Variants in PRRC2B observed in about 807,000 individuals in gnomAD.
The protein encoded by PRRC2B is protein PRRC2B.
In PRRC2B, 68 loss-of-function variants were observed where a neutral mutation model predicts 242.3. The ratio of observed to expected loss-of-function variants is 0.28; its 90% CI spans 0.23 to 0.34. The LOEUF is 0.34. Ranked by LOEUF, PRRC2B falls within the 10% of genes least tolerant of loss-of-function variation. The probability of loss-of-function intolerance (pLI) is 1.00; values close to 1 mark genes in which losing one functional copy is unlikely to be tolerated. For synonymous variants in PRRC2B, 1,228 were observed against 1,173.6 expected, an observed-to-expected ratio of 1.05 and a Z score of -0.95; for missense variants, 2,835 against 2,954.8, an observed-to-expected ratio of 0.96 and a Z score of 0.94.
At position 131,447,665 on chromosome 9, in the gene PRRC2B, A is replaced by G; in HGVS notation, c.981A>G (p.Lys327=). 6.3e-7 allele frequency: 1 copy of G among 1,592,872 alleles called. No individual in the cohort carries two copies. Among genetic ancestry groups the G allele is most frequent in the Non-Finnish European group, 8.6e-7 (1 of 1,167,228 alleles). ...CCATCATCTTTTCTTTTATCAGAAAAGAAAACAGGCTGGGATTGTCTCGCC... is the reference window on the plus strand; with the variant it reads ...CCATCATCTTTTCTTTTATCAGAAAGGAAAACAGGCTGGGATTGTCTCGCC... The part of the protein sequence containing the change: ...RQFQMNDQDG[K]ENRLGLSRPL... The change falls in exon 9 of 32, where the codon AAA becomes AAG. Residue 327 remains lysine, a synonymous_variant. Transcript: ENST00000683519.
rs558036228 is a variant in PRRC2B, at chr9:131,489,184, CTTTTTTTTT to C, written c.6225+1098_6225+1106del. Among the ~76,000 whole-genome samples, 4 of 131,642 alleles carry C rather than the reference CTTTTTTTTT, an allele frequency of 3.0e-5. 1 individual carries two copies. The East Asian group carries it at 8.7e-4, about 28-fold the overall frequency. The allele number at this position is 131,642 out of a possible 152,430, so 86.4% of individuals were successfully genotyped here. A position where few individuals can be genotyped will look rare whatever the true frequency, so the allele number is the denominator to read the frequency against. On this transcript the variant is annotated intron_variant, in intron 28 of 31. Coordinates refer to ENST00000683519, the MANE Select transcript of PRRC2B (RefSeq NM_013318.4). ...CCTCTAGTGACCCAACTCCAAAATT[CTTTTTTTTT>C]TTTTTTTTTGAGATGGAGTTTCGCT...
intron 25 of PRRC2B, 76 bp downstream of exon 25, chr9:131,485,216 TG>T: frequency 8.2e-7 from 1 of 1,221,694 alleles, no homozygotes; most frequent in South Asian, 1.5e-5. Context: ...CAGCCCCGAA[TG>T]TCACCTCCTG....
At chr9:131,378,033 G>A (rs1252679571) in intron 1 of PRRC2B, among the ~76,000 whole-genome samples, 1 of 152,118 alleles carries the variant, frequency 6.6e-6, no homozygotes, top group African/African-American at 2.4e-5. Flanking sequence ...TGGGATGGCT[G>A]GGCATGGTGG....
chr9:131,384,357 G>A (rs1192004718), intron 1 of PRRC2B, among the ~76,000 whole-genome samples: 3 of 150,444 alleles, frequency 2.0e-5, no homozygotes, highest in African/African-American at 2.4e-5. Context: ...ATCTTGGCTC[G>A]CTGCAACCTC....
intron 1 of PRRC2B, among the ~76,000 whole-genome samples, chr9:131,379,770 C>T (rs1391194454): frequency 3.3e-5 from 5 of 149,944 alleles, no homozygotes; most frequent in Non-Finnish European, 7.4e-5. Context: ...GGATTACAGG[C>T]ACACGCCACC....
Position 131,494,477 on chromosome 9 carries a change from C to T in PRRC2B, c.6546C>T (p.Tyr2182=). 2.5e-6 allele frequency: 4 copies of T among 1,585,098 alleles called. No homozygotes were observed. The highest frequency in any genetic ancestry group is 2.3e-5 in the East Asian group (1 of 44,430). ...ACATGGGCTCTGTGCAGGGACACTA[C>T]GTGCAACAGGTAGAAGATGGCTTTC... is the stretch of plus-strand genomic sequence containing the variant. ...AVNMGSVQGH[Y]VQQAKQRVDE... The change falls in exon 31 of 32, where the codon TAC becomes TAT. Residue 2182 remains tyrosine (Y), a synonymous_variant. Transcript: ENST00000683519. The surrounding 1 kb of genome is among the most constrained non-coding windows in gnomAD (Gnocchi z 4.3).
intron 1 of PRRC2B, among the ~76,000 whole-genome samples, chr9:131,407,509 C>G (rs927630889): frequency 6.6e-6 from 1 of 152,110 alleles, no homozygotes; most frequent in African/African-American, 2.4e-5. Context: ...TTGGATCTGT[C>G]CTTTATTCCT....
rs1836969424 is a variant in PRRC2B, at chr9:131,394,109, G to A, written c.-206G>A. ...GCGAGACAGGCGCCGAGGCTCCACC[G>A]CGCAGCGACGAGCGAGCCCGGGAGG... On this transcript the variant is annotated 5_prime_UTR_variant, in exon 1 of 32. Transcript: ENST00000683519. 6.7e-6 allele frequency: 1 copy of A among 149,422 alleles called. No individual in the cohort carries two copies. The highest frequency in any genetic ancestry group is 1.5e-5 in the Non-Finnish European group (1 of 66,576). 9.3% of individuals were successfully genotyped at this position (149,422 alleles called of 1,614,324 possible). A position where few individuals can be genotyped will look rare whatever the true frequency, so the allele number is the denominator to read the frequency against.
Position 131,399,140 on chromosome 9 carries a change from G to A in PRRC2B, c.-52+4877G>A, listed in dbSNP as rs897280018. ...AAAATACAAAAATTAGCTGGATGCC[G>A]TGGCGAGTGCCTGTAGTCCCAGCTA... On this transcript the variant is annotated intron_variant, in intron 1 of 31. Coordinates refer to ENST00000683519, the MANE Select transcript of PRRC2B (RefSeq NM_013318.4). Among the ~76,000 whole-genome samples the A allele has an allele frequency of 6.6e-5, 10 of 151,620 alleles. No individual in the cohort carries two copies. In the South Asian group the frequency reaches 8.4e-4, roughly 13 times the overall value.
intron 5 of PRRC2B, among the ~76,000 whole-genome samples, chr9:131,442,127 T>G (rs1353054804): frequency 6.6e-6 from 1 of 150,438 alleles, no homozygotes; most frequent in African/African-American, 2.4e-5. Flanking sequence ...TACCTTTTTT[T>G]TTGTTTGTTT....
rs1407822856 is a variant in PRRC2B, at chr9:131,496,492, C to T, written c.*618C>T. The T allele has an allele frequency of 7.9e-5, 12 of 152,238 alleles. No individual in the cohort carries two copies. Among genetic ancestry groups the T allele is most frequent in the Admixed American group, 7.9e-4 (12 of 15,282 alleles). 9.4% of individuals were successfully genotyped at this position (152,238 alleles called of 1,614,324 possible). A position where few individuals can be genotyped will look rare whatever the true frequency, so the allele number is the denominator to read the frequency against. Reference sequence around the variant, plus strand: ...CTTAAGAATGCATCCCCTCCTGATTCCTCAGCTGGTTCACCCTTGAGGTTA... The same window carrying T: ...CTTAAGAATGCATCCCCTCCTGATTTCTCAGCTGGTTCACCCTTGAGGTTA... On this transcript the variant is annotated 3_prime_UTR_variant, in exon 32 of 32. Transcript: ENST00000683519.
At position 131,498,409 on chromosome 9, in the gene PRRC2B, C is replaced by G. The variant is rs752737898; in HGVS notation, c.*2535C>G. ...TGTGTGACCTGAGCTGCAGTCTCTT[C>G]GCTGAGATGCAGGTTTTAAATGAGA... is the stretch of plus-strand genomic sequence containing the variant. On this transcript the variant is annotated 3_prime_UTR_variant, in exon 32 of 32. Transcript: ENST00000683519. The G allele has an allele frequency of 6.6e-6, 1 of 152,232 alleles. No homozygotes were observed. The highest frequency in any genetic ancestry group is 1.5e-5 in the Non-Finnish European group (1 of 68,042). 9.4% of individuals were successfully genotyped at this position (152,232 alleles called of 1,614,324 possible).
intron 15 of PRRC2B, among the ~76,000 whole-genome samples, 168 bp from the exon 16 acceptor site, chr9:131,474,286 T>TG (rs1299215377): frequency 2.6e-5 from 4 of 152,230 alleles, no homozygotes; most frequent in Non-Finnish European, 5.9e-5. Context: ...TTGATGCTTA[T>TG]GTTTTTTTTT....
intron 1 of PRRC2B, among the ~76,000 whole-genome samples, chr9:131,395,121 C>T (rs1026877189): frequency 1.3e-5 from 2 of 151,750 alleles, no homozygotes; most frequent in Admixed American, 6.6e-5. Flanking sequence ...GGTCGGAGCC[C>T]ACCTTTAGGC....
intron 13 of PRRC2B, 111 bp from the exon 14 acceptor site, chr9:131,470,677 C>A: frequency 2.4e-6 from 2 of 817,546 alleles, no homozygotes; most frequent in Admixed American, 2.4e-5. Context: ...GTCTTCTGTT[C>A]TAGGTGGGCT....
At position 131,475,581 on chromosome 9, in the gene PRRC2B, G is replaced by A. The variant is rs1282788368; in HGVS notation, c.3452G>A (p.Arg1151Lys). The A allele has an allele frequency of 2.5e-6, 4 of 1,612,850 alleles. No individual in the cohort carries two copies. Among genetic ancestry groups the A allele is most frequent in the East Asian group, 2.2e-5 (1 of 44,870 alleles). ...YEELPKRRRQ[R>K]GSENGNEGSL... is the part of the protein sequence containing the mutation. ...GAACTTCCCAAGCGCCGCCGGCAGA[G>A]GGGCTCCGAGAACGGGAATGAAGGC... is the stretch of plus-strand genomic sequence containing the variant. The change falls in exon 16 of 32, where the codon AGG becomes AAG. Residue 1151 changes from arginine (R) to lysine (K), a missense_variant. Around this residue, in one of 7 missense-constraint regions of PRRC2B, gnomAD observed 1,536 missense variants for 1,483.1 expected, o/e 1.04. Coordinates refer to ENST00000683519, the MANE Select transcript of PRRC2B (RefSeq NM_013318.4).
chr9:131,394,993 T>C (rs2210599), intron 1 of PRRC2B, among the ~76,000 whole-genome samples: 145,959 of 150,222 alleles, frequency 0.97, 71,057 homozygotes, highest in East Asian at 1. Context: ...TTGCCTCCCC[T>C]CAACCCCCAG....
chr9:131,402,339 T>A (rs1262852990), intron 1 of PRRC2B, among the ~76,000 whole-genome samples: 2 of 152,252 alleles, frequency 1.3e-5, no homozygotes, highest in African/African-American at 4.8e-5. Flanking sequence ...GTAAGTGAGA[T>A]CATCCAGTAT....
intron 1 of PRRC2B, among the ~76,000 whole-genome samples, chr9:131,427,736 A>G (rs1419027890): frequency 6.6e-6 from 1 of 152,182 alleles, no homozygotes; most frequent in Non-Finnish European, 1.5e-5. Flanking sequence ...CAAGATGGTG[A>G]AATGGCAAAC....
Sources: allele counts gnomAD v4.1 joint callset (sites outside exome capture counted in the v4.1 genomes callset), GRCh38; gene constraint gnomAD v4.1.1; regional missense constraint gnomAD v4.1.1; non-coding constraint Gnocchi (gnomAD v3.1); transcripts MANE v1.5; gene names NCBI Gene and HGNC (gene_info 2026-07-23, HGNC 2026-07-21).